The following GRM3 variants were observed in gnomAD, a reference collection of about 807,000 sequenced individuals.
GRM3 encodes the protein metabotropic glutamate receptor 3.
In GRM3, 26 loss-of-function variants were observed where a neutral mutation model predicts 70.5. The ratio of observed to expected loss-of-function variants is 0.37; its 90% CI spans 0.27 to 0.51. The LOEUF is 0.51. GRM3 is among the 20% of genes least tolerant of loss of function. The pLI is 0.93. For missense variants in GRM3, 859 were observed against 1,123.8 expected, an observed-to-expected ratio of 0.76 and a Z score of 3.37; for synonymous variants, 443 against 434.9, an observed-to-expected ratio of 1.02 and a Z score of -0.23.
chr7:86,714,462 G>T (rs1248584271), intron 1 of GRM3, among the ~76,000 whole-genome samples: 3 of 151,604 alleles, frequency 2.0e-5, no homozygotes, highest in Non-Finnish European at 4.4e-5. Context: ...CACCATACAA[G>T]ATGAAAAAAG....
chr7:86,766,484 C>A (rs1031600078), intron 2 of GRM3, among the ~76,000 whole-genome samples: 4 of 151,782 alleles, frequency 2.6e-5, no homozygotes, highest in Non-Finnish European at 5.9e-5. Flanking sequence ...CATACTCTTG[C>A]AATCCTTACT....
intron 1 of GRM3, among the ~76,000 whole-genome samples, chr7:86,733,309 G>A (rs1050156449): frequency 3.3e-4 from 42 of 127,700 alleles, no homozygotes; most frequent in Middle Eastern, 4.1e-3. Context: ...GCGACACGCC[G>A]TCTCAAAAAA....
intron 3 of GRM3, among the ~76,000 whole-genome samples, chr7:86,810,909 T>C (rs1797896567): frequency 6.6e-6 from 1 of 152,022 alleles, no homozygotes; most frequent in African/African-American, 2.4e-5. Context: ...CCATATTTTT[T>C]CACTAAATCA....
Position 86,850,534 on chromosome 7 carries a change from A to T in GRM3, c.2556A>T (p.Thr852=). Residue 852 remains threonine (T), a synonymous_variant, in exon 5 of 6, where the codon ACA becomes ACT. Transcript: ENST00000361669. ...NRFSVSGTGT[T]YSQSSASTYV... is the part of the protein sequence containing the mutation. Reference sequence around the variant, plus strand: ...TCAGTGTCAGTGGAACTGGGACCACATACTCTCAGTGTAAGTATGGAACTC... The same window carrying T: ...TCAGTGTCAGTGGAACTGGGACCACTTACTCTCAGTGTAAGTATGGAACTC... 6.2e-7 allele frequency: 1 copy of T among 1,602,446 alleles called. No homozygotes were observed. Among genetic ancestry groups the T allele is most frequent in the Non-Finnish European group, 8.5e-7 (1 of 1,169,660 alleles).
At position 86,698,820 on chromosome 7, in the gene GRM3, A is replaced by G. The variant is rs1170776929; in HGVS notation, c.-141+53948A>G. The stretch of plus-strand genomic sequence containing the variant: ...GCAGTAGCTGCCTCATCTGAGTGTC[A>G]TAAGCCATTTCCATTTCACATTCCA... On this transcript the variant is annotated intron_variant, in intron 1 of 5. Coordinates refer to ENST00000361669, the MANE Select transcript of GRM3 (RefSeq NM_000840.3). Among the ~76,000 whole-genome samples the G allele has an allele frequency of 2.0e-5, 3 of 152,192 alleles. No individual in the cohort carries two copies. In the East Asian group the frequency reaches 5.8e-4, roughly 29 times the overall value.
intron 3 of GRM3, among the ~76,000 whole-genome samples, chr7:86,798,933 G>A (rs1797619566): frequency 6.6e-6 from 1 of 152,164 alleles, no homozygotes; most frequent in Admixed American, 6.5e-5. Context: ...TGCCATGATT[G>A]AGGCCTACCC....
intron 1 of GRM3, among the ~76,000 whole-genome samples, chr7:86,695,738 T>A (rs932146851): frequency 1.3e-5 from 2 of 152,154 alleles, no homozygotes; most frequent in African/African-American, 4.8e-5. Context: ...AGATAAAGTG[T>A]TAGATAATTT....
chr7:86,645,842 T>C (rs1793447994), intron 1 of GRM3, among the ~76,000 whole-genome samples: 1 of 152,072 alleles, frequency 6.6e-6, no homozygotes, highest in Non-Finnish European at 1.5e-5. Flanking sequence ...TATATGTAGG[T>C]ACATATTGGA....
rs142084833 is a variant in GRM3, at chr7:86,776,663, T to A, written c.469-9598T>A. On this transcript the variant is annotated intron_variant, in intron 2 of 5. Coordinates refer to ENST00000361669, the MANE Select transcript of GRM3 (RefSeq NM_000840.3). ...GGCCATATTTCTCATATTATTGTTA[T>A]ACAAGTGACTTCAGGGACCACAGAA... 2.5e-4 allele frequency among the ~76,000 whole-genome samples: 38 copies of A among 152,312 alleles called. No individual in the cohort carries two copies. In the East Asian group the frequency reaches 7.1e-3, roughly 29 times the overall value.
intron 3 of GRM3, among the ~76,000 whole-genome samples, chr7:86,791,066 A>G (rs777604659): frequency 3.9e-5 from 6 of 152,214 alleles, no homozygotes; most frequent in Non-Finnish European, 8.8e-5. Flanking sequence ...ATGCATCCCA[A>G]GCATAAAAGG....
At chr7:86,858,842 A>G (rs1474802504) in intron 5 of GRM3, among the ~76,000 whole-genome samples, 1 of 152,178 alleles carries the variant, frequency 6.6e-6, no homozygotes, top group African/African-American at 2.4e-5. Context: ...TAAATCTTGG[A>G]TTTGCAGATT....
At chr7:86,750,741 T>C (rs1434649624) in intron 1 of GRM3, among the ~76,000 whole-genome samples, 5 of 150,816 alleles carry the variant, frequency 3.3e-5, no homozygotes, top group African/African-American at 1.2e-4. Context: ...GTTGCAACAA[T>C]CAGAAACAAA....
intron 1 of GRM3, among the ~76,000 whole-genome samples, chr7:86,745,197 G>T (rs1407165084): frequency 6.6e-6 from 1 of 152,118 alleles, no homozygotes; most frequent in Non-Finnish European, 1.5e-5. Context: ...GGCAGGCAAT[G>T]CTTGACTGAG....
intron 2 of GRM3, among the ~76,000 whole-genome samples, chr7:86,785,527 T>C (rs1269637433): frequency 6.6e-6 from 1 of 151,712 alleles, no homozygotes; most frequent in Non-Finnish European, 1.5e-5. Flanking sequence ...TAATCAAAAA[T>C]GATGTAAGAA....
chr7:86,706,548 T>C (rs576527368), intron 1 of GRM3, among the ~76,000 whole-genome samples: 2 of 152,068 alleles, frequency 1.3e-5, no homozygotes, highest in African/African-American at 2.4e-5. Context: ...GATGTGCAAG[T>C]GGTAAAACAG....
chr7:86,703,632 G>A (rs542426617), intron 1 of GRM3, among the ~76,000 whole-genome samples: 6 of 151,910 alleles, frequency 3.9e-5, no homozygotes, highest in Non-Finnish European at 5.9e-5. Flanking sequence ...TTTTCACTTT[G>A]TTCTCTAGGA....
intron 3 of GRM3, among the ~76,000 whole-genome samples, chr7:86,795,548 G>T (rs1001275005): frequency 6.6e-6 from 1 of 152,012 alleles, no homozygotes; most frequent in East Asian, 1.9e-4. Flanking sequence ...TCCTGTTCCT[G>T]TGTTAGTTTG....
intron 3 of GRM3, among the ~76,000 whole-genome samples, chr7:86,824,476 A>T (rs1344204224): frequency 6.6e-6 from 1 of 152,112 alleles, no homozygotes; most frequent in Non-Finnish European, 1.5e-5. Flanking sequence ...ACTGTTCCTG[A>T]GGGGGGTAAC....
chr7:86,852,054 G>A (rs1039272749), intron 5 of GRM3, among the ~76,000 whole-genome samples: 6 of 152,068 alleles, frequency 3.9e-5, no homozygotes, highest in African/African-American at 1.4e-4. Context: ...TTAAGGTAAA[G>A]AAACTCACCC....
Sources: gnomAD v4.1 joint callset for allele counts (sites outside exome capture counted in the v4.1 genomes callset) on GRCh38, gnomAD v4.1.1 for gene constraint, MANE v1.5 for transcripts, NCBI Gene and HGNC (gene_info 2026-07-23, HGNC 2026-07-21) for gene names.